The following MYO9A variants were observed in gnomAD, a reference collection of about 807,000 sequenced individuals.
MYO9A encodes the protein myosin IXA.
MYO9A carries 103 observed loss-of-function variants against 293.3 expected under a neutral mutation model. The ratio of observed to expected loss-of-function variants is 0.35; its 90% CI spans 0.30 to 0.41. The LOEUF (loss-of-function observed/expected upper bound fraction) is 0.41. Among genes scored for constraint, MYO9A ranks in the 10% least tolerant of loss-of-function variants. The pLI is 1.00. For synonymous variants in MYO9A, 1,001 were observed against 1,035.7 expected, an observed-to-expected ratio of 0.97 and a Z score of 0.64; for missense variants, 2,685 against 3,033.0, an observed-to-expected ratio of 0.89 and a Z score of 2.69.
rs961202912 is a variant in MYO9A at position 72,118,135 on chromosome 15, G to C, written c.-527C>G. On this transcript the variant is annotated 5_prime_UTR_variant, in exon 1 of 42. Transcript: ENST00000356056. The stretch of plus-strand genomic sequence containing the variant: ...CCCGCGCGACTCCCCGGCTGCAGGC[G>C]AGCAGGCGCGCGCGCACTTACCTCC... 2.4e-4 allele frequency: 92 copies of C among 379,500 alleles called. No homozygotes were observed. The highest frequency in any genetic ancestry group is 1.8e-3 in the African/African-American group (86 of 47,784). The allele number at this position is 379,500 out of a possible 1,614,324, so 23.5% of individuals were successfully genotyped here. A position where few individuals can be genotyped will look rare whatever the true frequency, so the allele number is the denominator to read the frequency against.
chr15:72,048,423 T>G (rs1007605469), intron 1 of MYO9A, among the ~76,000 whole-genome samples: 1 of 151,002 alleles, frequency 6.6e-6, no homozygotes, highest in Non-Finnish European at 1.5e-5. Context: ...AAAAAAGAAA[T>G]AAACTAGTGA....
At chr15:72,047,523 CT>C (rs2078422453) in intron 1 of MYO9A, among the ~76,000 whole-genome samples, 1 of 152,098 alleles carries the variant, frequency 6.6e-6, no homozygotes. Flanking sequence ...CAAATGGCTT[CT>C]CCAACTCAAA....
chr15:71,991,229 A>G lies in MYO9A; in HGVS notation c.1596T>C (p.Ser532=). Residue 532 remains serine (S), a synonymous_variant, in exon 11 of 42, where the codon TCT becomes TCC. Coordinates refer to ENST00000356056, the MANE Select transcript of MYO9A (RefSeq NM_006901.4). ...ACCCAAAAATATCAAGAACACCAAT[A>G]GACAATGTCTGTAAAACAAGAGAAA... ...KDLEHNTKTL[S]IGVLDIFGFE... is the part of the protein sequence containing the mutation. 1.3e-6 allele frequency: 2 copies of G among 1,590,260 alleles called. No individual in the cohort carries two copies. The highest frequency in any genetic ancestry group is 1.7e-6 in the Non-Finnish European group (2 of 1,169,256).
chr15:71,916,470 A>G lies in MYO9A; in HGVS notation c.2585T>C (p.Leu862Ser), dbSNP rs2058015291. The change falls in exon 19 of 42, where the codon TTA becomes TCA. Residue 862 changes from leucine to serine, a missense_variant. Physicochemically the swap from Leu to Ser is moderately radical, Grantham distance 145. Coordinates refer to ENST00000356056, the MANE Select transcript of MYO9A (RefSeq NM_006901.4). ...LPKHLLEVNSLKHLTRLTLQD... is the reference protein window; with the variant it reads ...LPKHLLEVNSSKHLTRLTLQD... ...TAGTGTCAGTCTTGTCAGGTGCTTT[A>G]AAGAATTTACTTCTAGCAAGTGCTG... is the stretch of plus-strand genomic sequence containing the variant. 1 of 1,610,526 alleles carries G rather than the reference A, an allele frequency of 6.2e-7. No homozygotes were observed. The highest frequency in any genetic ancestry group is 8.5e-7 in the Non-Finnish European group (1 of 1,179,094).
intron 1 of MYO9A, among the ~76,000 whole-genome samples, chr15:72,113,130 A>AT (rs1448681502): frequency 6.6e-6 from 1 of 152,216 alleles, no homozygotes; most frequent in African/African-American, 2.4e-5. Context: ...CACTGATATC[A>AT]TCCCTCTTAC....
chr15:71,937,400 A>T (rs2058670134), intron 16 of MYO9A, among the ~76,000 whole-genome samples: 1 of 152,176 alleles, frequency 6.6e-6, no homozygotes, highest in Non-Finnish European at 1.5e-5. Flanking sequence ...CCACCACCTT[A>T]AACAGTCAGC....
chr15:71,995,227 G>C (rs998747061), intron 9 of MYO9A, among the ~76,000 whole-genome samples: 8 of 152,210 alleles, frequency 5.3e-5, no homozygotes, highest in Non-Finnish European at 5.9e-5. Context: ...GCCAGTTACA[G>C]TAGGTAAGAG....
chr15:72,094,179 C>T lies in MYO9A; in HGVS notation c.-72+23501G>A, dbSNP rs561052572. 1.1e-3 allele frequency among the ~76,000 whole-genome samples: 96 copies of T among 88,356 alleles called. 12 individuals carry two copies. The highest frequency in any genetic ancestry group is 2.4e-3 in the African/African-American group (91 of 38,014). 58.0% of individuals were successfully genotyped at this position (88,356 alleles called of 152,430 possible). ...GAGCTATGATCACACCACTGCACTCCAGCTGGGAAACAGAGCAAGAACTTG... is the reference window on the plus strand; with the variant it reads ...GAGCTATGATCACACCACTGCACTCTAGCTGGGAAACAGAGCAAGAACTTG... On this transcript the variant is annotated intron_variant, in intron 1 of 41. Transcript: ENST00000356056.
intron 35 of MYO9A, among the ~76,000 whole-genome samples, chr15:71,853,091 C>CTGAATGAA (rs71131711): frequency 0.16 from 24,079 of 151,414 alleles, 2,134 homozygotes; most frequent in East Asian, 0.37. Context: ...AAGACTGTCT[C>CTGAATGAA]TGAATGAATG....
chr15:71,937,509 T>A (rs1487732817), intron 16 of MYO9A, among the ~76,000 whole-genome samples: 1 of 152,168 alleles, frequency 6.6e-6, no homozygotes, highest in African/African-American at 2.4e-5. Context: ...AAGTATTTTT[T>A]AATTAAGGTG....
At chr15:71,956,330 A>ATATATATATAT (rs1555490831) in intron 14 of MYO9A, among the ~76,000 whole-genome samples, 10,276 of 75,420 alleles carry the variant, frequency 0.14, 1,124 homozygotes, top group Middle Eastern at 0.17. Context: ...AAAAAAAAAA[A>ATATATATATAT]ATATATATAT....
rs2054446974 is a variant in MYO9A, at chr15:71,825,561, T to C, written c.*1019A>G. ...ACTTACTTACTTATTCATGCAATAT[T>C]GTATGTGAATGTTTTTGGAAACTAA... On this transcript the variant is annotated 3_prime_UTR_variant, in exon 42 of 42. Transcript: ENST00000356056. 1 of 152,244 alleles carries C rather than the reference T, an allele frequency of 6.6e-6. No individual in the cohort carries two copies. Among genetic ancestry groups the C allele is most frequent in the South Asian group, 2.1e-4 (1 of 4,832 alleles). 9.4% of individuals were successfully genotyped at this position (152,244 alleles called of 1,614,324 possible).
In MYO9A at chr15:71,898,263, A is replaced by C. The variant is rs2057388131; in HGVS notation, c.4240T>G (p.Ser1414Ala). The change falls in exon 25 of 42, where the codon TCA becomes GCA. Residue 1414 changes from serine (S) to alanine (A), a missense_variant. Ser to Ala is a moderately conservative substitution (Grantham distance 99, BLOSUM62 1). Coordinates refer to ENST00000356056, the MANE Select transcript of MYO9A (RefSeq NM_006901.4). ...CKPQLKDSFI[S>A]NSLPTFFYIP... ...TAAAAAAAAGTAGGTAGACTATTTGAAATGAAGGAGTCTTTCAGCTGTGGT... is the reference window on the plus strand; with the variant it reads ...TAAAAAAAAGTAGGTAGACTATTTGCAATGAAGGAGTCTTTCAGCTGTGGT... 1 of 1,614,182 alleles carries C rather than the reference A, an allele frequency of 6.2e-7. No homozygotes were observed. The highest frequency in any genetic ancestry group is 1.6e-4 in the Middle Eastern group (1 of 6,062).
chr15:72,111,206 T>C (rs1004090762), intron 1 of MYO9A, among the ~76,000 whole-genome samples: 38 of 147,684 alleles, frequency 2.6e-4, no homozygotes, highest in African/African-American at 9.2e-4. Context: ...TAACAAGAAA[T>C]AGGCTGCGCA....
At chr15:71,842,907 G>C (rs2055221719) in intron 39 of MYO9A, among the ~76,000 whole-genome samples, 1 of 141,892 alleles carries the variant, frequency 7.0e-6, no homozygotes, top group Non-Finnish European at 1.5e-5. Context: ...GCTTTTCTTT[G>C]TGTATGCATG....
chr15:71,937,874 C>T lies in MYO9A; in HGVS notation c.2378+978G>A, dbSNP rs187188503. On this transcript the variant is annotated intron_variant, in intron 16 of 41. Coordinates refer to ENST00000356056, the MANE Select transcript of MYO9A (RefSeq NM_006901.4). ...GCCAACAGATGAAACTGAAGGTACA[C>T]AGGTCAAGGTTAACTATCTAATTTG... Among the ~76,000 whole-genome samples the T allele has an allele frequency of 2.3e-4, 35 of 152,234 alleles. 1 individual carries two copies. Among genetic ancestry groups the T allele is most frequent in the Admixed American group, 2.2e-3 (34 of 15,286 alleles).
At chr15:71,909,352 T>C (rs1168281968) in intron 19 of MYO9A, among the ~76,000 whole-genome samples, 1 of 152,216 alleles carries the variant, frequency 6.6e-6, no homozygotes, top group East Asian at 1.9e-4. Flanking sequence ...GGCTGTACCA[T>C]TTTGCATTCC....
chr15:71,905,118 T>A (rs938139601), intron 19 of MYO9A, 112 bp from the exon 20 acceptor site: 3 of 820,408 alleles, frequency 3.7e-6, no homozygotes, highest in Non-Finnish European at 5.4e-6. Context: ...GAGGTACACA[T>A]AGAAAGAGGT....
chr15:72,030,551 T>C (rs1425832883), intron 3 of MYO9A, among the ~76,000 whole-genome samples: 1 of 152,114 alleles, frequency 6.6e-6, no homozygotes, highest in Non-Finnish European at 1.5e-5. Flanking sequence ...CCTTGAACTT[T>C]GTTTTTTTGG....
Sources: allele counts gnomAD v4.1 joint callset (sites outside exome capture counted in the v4.1 genomes callset), GRCh38; gene constraint gnomAD v4.1.1; transcripts MANE v1.5; gene names NCBI Gene and HGNC (gene_info 2026-07-23, HGNC 2026-07-21).